The following SCRIB variants were observed in gnomAD, a reference collection of about 807,000 sequenced individuals.
SCRIB encodes the protein protein scribble homolog.
Under a neutral mutation model 170.0 loss-of-function variants are expected in SCRIB, and 72 were observed. The ratio of observed to expected loss-of-function variants is 0.42; its 90% CI spans 0.35 to 0.52. The LOEUF is 0.52. Among genes scored for constraint, SCRIB ranks in the 20% least tolerant of loss-of-function variants. The pLI is 0.02. For missense variants in SCRIB, 2,475 were observed against 2,338.5 expected (o/e 1.06, Z -1.20); for synonymous variants, 1,298 against 1,044.3 (o/e 1.24, Z -4.68).
At chr8:143,810,084 C>T (rs1353819570) in intron 13 of SCRIB, among the ~76,000 whole-genome samples, 1 of 152,178 alleles carries the variant, frequency 6.6e-6, no homozygotes, top group African/African-American at 2.4e-5. Flanking sequence ...CACCCAAAAA[C>T]CCACAGCACG....
rs375608335 is a variant in SCRIB, at chr8:143,806,444, G to A, written c.2309C>T (p.Ala770Val). 1.4e-5 allele frequency: 22 copies of A among 1,606,126 alleles called. No homozygotes were observed. In the African/African-American group the frequency reaches 2.5e-4, roughly 19 times the overall value. Reference protein sequence around the residue: ...ISRVSEEGPAARAGVRVGDKL... With the variant: ...ISRVSEEGPAVRAGVRVGDKL... ...GTCACCCACACGGACTCCAGCCCGGGCCGCAGGGCCTTCCTCGGACACCCG... is the reference window on the plus strand; with the variant it reads ...GTCACCCACACGGACTCCAGCCCGGACCGCAGGGCCTTCCTCGGACACCCG... Residue 770 changes from alanine to valine, a missense_variant, in exon 18 of 37, where the codon GCC (alanine) becomes GTC (valine). By Grantham distance (64) the Ala-to-Val change is moderately conservative. This residue lies in a region of SCRIB where 1,966 missense variants were observed against 1,742.9 expected (regional missense o/e 1.13). Coordinates refer to ENST00000356994, the MANE Select transcript of SCRIB (RefSeq NM_182706.5).
intron 24 of SCRIB, among the ~76,000 whole-genome samples, chr8:143,798,780 A>T (rs1554634499): frequency 2.0e-5 from 3 of 152,108 alleles, no homozygotes; most frequent in Non-Finnish European, 4.4e-5. Flanking sequence ...ACAGAGCAGC[A>T]AAGGCAGTGC....
chr8:143,792,230 T>C lies in SCRIB; in HGVS notation c.4504A>G (p.Arg1502Gly). 1.3e-6 allele frequency: 2 copies of C among 1,563,434 alleles called. No individual in the cohort carries two copies. Among genetic ancestry groups the C allele is most frequent in the South Asian group, 1.2e-5 (1 of 85,782 alleles). ...CACACAGGGGCTCACCTGGCTGCCC[T>C]CCACAGCGCACGCTTCTCGGCCTCC... ...ALEAEKRALW[R>G]AARMKSLEQD... Residue 1502 changes from arginine to glycine, a missense_variant, in exon 32 of 37, where the codon AGG (arginine) becomes GGG (glycine). Physicochemically the swap from Arg to Gly is moderately radical, Grantham distance 125 (BLOSUM62 -2). This residue lies in a region of SCRIB where 1,966 missense variants were observed against 1,742.9 expected (regional missense o/e 1.13). Transcript: ENST00000356994.
chr8:143,807,487 A>G, intron 16 of SCRIB, 65 bp downstream of exon 16: 1 of 1,312,060 alleles, frequency 7.6e-7, no homozygotes, highest in Non-Finnish European at 1.1e-6. Context: ...GAGAGGCGTG[A>G]GCCCACAGCC....
In SCRIB at chr8:143,791,973, CT is replaced by C. The variant is rs1227863010; in HGVS notation, c.4657+17del. 2.0e-6 allele frequency: 3 copies of C among 1,489,118 alleles called. No homozygotes were observed. In the Admixed American group the frequency reaches 7.2e-5, roughly 36 times the overall value. The allele number at this position is 1,489,118 out of a possible 1,614,324, so 92.2% of individuals were successfully genotyped here. A position where few individuals can be genotyped will look rare whatever the true frequency, so the allele number is the denominator to read the frequency against. ...CATGCGGCAGGCTGACCCCCCCGAC[CT>C]GCCCTGACCCACAGACCTTCCACAG... is the stretch of plus-strand genomic sequence containing the variant. On this transcript the variant is annotated intron_variant, in intron 33 of 36. Transcript: ENST00000356994.
chr8:143,812,525 A>G (rs1652039179), intron 8 of SCRIB, 141 bp from the exon 9 acceptor site: 2 of 611,724 alleles, frequency 3.3e-6, no homozygotes, highest in African/African-American at 8.1e-5. Context: ...GACCCTACCT[A>G]CCTTGCCCCA....
rs1814780208 is a variant in SCRIB, at chr8:143,793,095, G to A, written c.3910-12C>T. ...GGCGGGGAGGGCGGCTGGGGGGTGG[G>A]GCTCTTGTGAGCTATGCTGGGGCAG... On this transcript the variant is annotated splice_polypyrimidine_tract_variant and intron_variant, in intron 28 of 36. Coordinates refer to ENST00000356994, the MANE Select transcript of SCRIB (RefSeq NM_182706.5). The A allele has an allele frequency of 7.1e-7, 1 of 1,417,640 alleles. No homozygotes were observed. Among genetic ancestry groups the A allele is most frequent in the Non-Finnish European group, 9.3e-7 (1 of 1,070,398 alleles). The allele number at this position is 1,417,640 out of a possible 1,614,324, so 87.8% of individuals were successfully genotyped here.
At position 143,805,071 on chromosome 8, in the gene SCRIB, G is replaced by T. The variant is rs781930113; in HGVS notation, c.2670+41C>A. 3 of 1,587,444 alleles carry T rather than the reference G, an allele frequency of 1.9e-6. No individual in the cohort carries two copies. The East Asian group carries it at 6.9e-5, about 36-fold the overall frequency. ...CGGTGAGGCTGGAGTGCGGCTGTCA[G>T]CTCTAGAGCAGCCCTCCCCGGCCCT... On this transcript the variant is annotated intron_variant, in intron 19 of 36. Coordinates refer to ENST00000356994, the MANE Select transcript of SCRIB (RefSeq NM_182706.5).
rs1388207946 is a variant in SCRIB, at chr8:143,810,031, G to A, written c.1531-313C>T. 3.3e-5 allele frequency among the ~76,000 whole-genome samples: 5 copies of A among 152,084 alleles called. No individual in the cohort carries two copies. The East Asian group carries it at 5.8e-4, about 18-fold the overall frequency. ...ATGAACCTCCTCCCCTCCCATGCAC[G>A]GCCCCACACACCCTACCCCAGCCCA... On this transcript the variant is annotated intron_variant, in intron 13 of 36. Coordinates refer to ENST00000356994, the MANE Select transcript of SCRIB (RefSeq NM_182706.5).
chr8:143,796,554 G>T (rs1016348621), intron 24 of SCRIB, among the ~76,000 whole-genome samples: 1 of 152,178 alleles, frequency 6.6e-6, no homozygotes, highest in Admixed American at 6.5e-5. Flanking sequence ...GACGGATGCC[G>T]TCACCACAGA....
chr8:143,812,402 G>A lies in SCRIB; in HGVS notation c.788-18C>T, dbSNP rs559642094. 39 of 1,568,752 alleles carry A rather than the reference G, an allele frequency of 2.5e-5. No homozygotes were observed. In the Middle Eastern group the frequency reaches 6.7e-4, roughly 27 times the overall value. Reference sequence around the variant, plus strand: ...CAGCTGACCTGGCGTCGGGGAGACAGGGGGACAAGGCTGAGCATGGTCCCC... The same window carrying A: ...CAGCTGACCTGGCGTCGGGGAGACAAGGGGACAAGGCTGAGCATGGTCCCC... On this transcript the variant is annotated intron_variant, in intron 8 of 36. Transcript: ENST00000356994.
Position 143,795,260 on chromosome 8 carries a change from G to A in SCRIB, c.3771+17C>T. 1 of 1,612,376 alleles carries A rather than the reference G, an allele frequency of 6.2e-7. No individual in the cohort carries two copies. Among genetic ancestry groups the A allele is most frequent in the Non-Finnish European group, 8.5e-7 (1 of 1,179,824 alleles). ...CTCCAGTGCCCTGATGTGAGGGGGT[G>A]GGGCGACCACACTCACTGCGGCTTC... On this transcript the variant is annotated intron_variant, in intron 26 of 36. Coordinates refer to ENST00000356994, the MANE Select transcript of SCRIB (RefSeq NM_182706.5).
At chr8:143,798,434 G>A (rs892686571) in intron 24 of SCRIB, among the ~76,000 whole-genome samples, 8 of 152,104 alleles carry the variant, frequency 5.3e-5, no homozygotes, top group Admixed American at 1.3e-4. Flanking sequence ...GCCAGAACTC[G>A]GCCCCTCTCC....
Position 143,813,019 on chromosome 8 carries a change from C to CG in SCRIB, c.642+10_642+11insC. Reference sequence around the variant, plus strand: ...GGCACGAAGCAGGGGGCCAGCCCCACCCTGACTCACCGGGGGCAGTGCTGA... The same window carrying CG: ...GGCACGAAGCAGGGGGCCAGCCCCACGCCTGACTCACCGGGGGCAGTGCTGA... On this transcript the variant is annotated intron_variant, in intron 7 of 36. Coordinates refer to ENST00000356994, the MANE Select transcript of SCRIB (RefSeq NM_182706.5). 6.2e-7 allele frequency: 1 copy of CG among 1,605,320 alleles called. No homozygotes were observed. Among genetic ancestry groups the CG allele is most frequent in the African/African-American group, 1.3e-5 (1 of 75,034 alleles).
At position 143,810,707 on chromosome 8, in the gene SCRIB, C is replaced by T. The variant is rs1815671919; in HGVS notation, c.1383G>A (p.Glu461=). Residue 461 remains glutamate, a synonymous_variant, in exon 12 of 37, where the codon GAG becomes GAA. Coordinates refer to ENST00000356994, the MANE Select transcript of SCRIB (RefSeq NM_182706.5). ...ATACCCGCTTCTCAGCTGCAGCTTC[C>T]TCAGCGTCCTCATCACCTATGGGGG... ...LEAPIGDEDA[E]EAAAEKRGLQ... 5 of 1,604,844 alleles carry T rather than the reference C, an allele frequency of 3.1e-6. No homozygotes were observed. The highest frequency in any genetic ancestry group is 1.3e-5 in the African/African-American group (1 of 74,786).
At chr8:143,798,325 T>C (rs1815028824) in intron 24 of SCRIB, among the ~76,000 whole-genome samples, 1 of 152,114 alleles carries the variant, frequency 6.6e-6, no homozygotes. Context: ...CCAACTGTGT[T>C]ATCAGCTTGG....
chr8:143,802,323 T>A (rs537472071), intron 24 of SCRIB, among the ~76,000 whole-genome samples: 1 of 152,240 alleles, frequency 6.6e-6, no homozygotes, highest in Non-Finnish European at 1.5e-5. Context: ...CAGGACACTC[T>A]GTGACTGTCA....
At chr8:143,795,844 G>A (rs1814922033) in intron 24 of SCRIB, among the ~76,000 whole-genome samples, 2 of 152,344 alleles carry the variant, frequency 1.3e-5, no homozygotes, top group South Asian at 2.1e-4. Context: ...GTCATCCCCA[G>A]GAAGAGCTGA....
At chr8:143,804,446 A>G in intron 21 of SCRIB, 122 bp downstream of exon 21, 4 of 1,051,398 alleles carry the variant, frequency 3.8e-6, no homozygotes, top group Non-Finnish European at 5.3e-6. Context: ...TGCAGGGGAA[A>G]GGGCGAGCAG....
Sources: gnomAD v4.1 joint callset for allele counts (sites outside exome capture counted in the v4.1 genomes callset) on GRCh38, gnomAD v4.1.1 for gene constraint, gnomAD v4.1.1 regional missense constraint, MANE v1.5 for transcripts, NCBI Gene and HGNC (gene_info 2026-07-23, HGNC 2026-07-21) for gene names.